SYNDIG1L: variants seen among roughly 807,000 people sequenced by gnomAD.
SYNDIG1L encodes synapse differentiation inducing 1 like, also known as synapse differentiation-inducing gene protein 1-like.
In SYNDIG1L, 13 loss-of-function variants were observed where a neutral mutation model predicts 20.1. That is an observed-to-expected ratio of 0.65 (90% CI 0.42 to 1.03). The LOEUF is 1.03. Among genes scored for constraint, SYNDIG1L ranks in the 50% least tolerant of loss-of-function variants. The pLI, the probability that SYNDIG1L is intolerant of heterozygous loss-of-function variation, is 0.00. For synonymous variants in SYNDIG1L, 128 were observed against 129.3 expected, an observed-to-expected ratio of 0.99 and a Z score of 0.07; for missense variants, 294 against 305.1, an observed-to-expected ratio of 0.96 and a Z score of 0.27.
At chr14:74,445,574 A>G in the SYNDIG1L span, among the ~76,000 whole-genome samples, 1 of 151,972 alleles carries the variant, frequency 6.6e-6, no homozygotes, top group African/African-American at 2.4e-5. Flanking sequence ...TCCTGGGTTC[A>G]AGCGATTCTC....
At chr14:74,423,632 T>C (rs957706357) in intron 1 of SYNDIG1L, among the ~76,000 whole-genome samples, 62 of 152,274 alleles carry the variant, frequency 4.1e-4, no homozygotes, top group African/African-American at 1.5e-3. Flanking sequence ...GAGCATCGGC[T>C]GGACCTGCCA....
chr14:74,470,298 G>A, the SYNDIG1L span, among the ~76,000 whole-genome samples: 2 of 152,138 alleles, frequency 1.3e-5, no homozygotes, highest in Non-Finnish European at 2.9e-5. Context: ...ATCCCTGCCT[G>A]ATGGCATCTC....
At chr14:74,442,327 A>G in the SYNDIG1L span, among the ~76,000 whole-genome samples, 1 of 152,216 alleles carries the variant, frequency 6.6e-6, no homozygotes, top group Non-Finnish European at 1.5e-5. Context: ...ATGGTCTTAT[A>G]AGAAACTATT....
the SYNDIG1L span, chr14:74,479,958 C>G: frequency 7.7e-7 from 1 of 1,306,348 alleles, no homozygotes; most frequent in Non-Finnish European, 9.8e-7. Flanking sequence ...ACAAGACAAA[C>G]GAGTTTTTAT....
chr14:74,409,541 G>A lies in SYNDIG1L; in HGVS notation c.204C>T (p.Tyr68=). The stretch of plus-strand genomic sequence containing the variant: ...CTCTCCCCAGGAGGCAGCTGGGCCG[G>A]TACCAGGCCTCCACGGCCAGCTGCA... ...GSLQLAVEAW[Y]RPSCLLGRDK... The change falls in exon 2 of 4, where the codon TAC becomes TAT. Residue 68 remains tyrosine, a synonymous_variant. Coordinates refer to ENST00000331628, the MANE Select transcript of SYNDIG1L (RefSeq NM_001105579.2). The A allele has an allele frequency of 6.4e-7, 1 of 1,564,086 alleles. No homozygotes were observed. Among genetic ancestry groups the A allele is most frequent in the Non-Finnish European group, 8.7e-7 (1 of 1,155,960 alleles).
the SYNDIG1L span, among the ~76,000 whole-genome samples, chr14:74,459,744 G>A: frequency 6.6e-6 from 1 of 152,140 alleles, no homozygotes. Flanking sequence ...CCCCACTACC[G>A]CCACCAGCCA....
the SYNDIG1L span, chr14:74,480,007 C>T: frequency 2.8e-6 from 4 of 1,429,254 alleles, no homozygotes; most frequent in East Asian, 1.1e-4. Context: ...AAAGAGGCCA[C>T]AAGTTAATGT....
chr14:74,471,218 G>C, the SYNDIG1L span, among the ~76,000 whole-genome samples: 5 of 152,124 alleles, frequency 3.3e-5, no homozygotes, highest in African/African-American at 7.2e-5. Context: ...TGCAGAGCTT[G>C]ATCCTCTCGA....
upstream of SYNDIG1L, among the ~76,000 whole-genome samples, chr14:74,427,030 C>T (rs1301888186): frequency 6.6e-6 from 1 of 151,854 alleles, no homozygotes; most frequent in Non-Finnish European, 1.5e-5. Context: ...TGAGTTTTCC[C>T]AGCAAGAGCC....
chr14:74,473,300 A>T, the SYNDIG1L span, among the ~76,000 whole-genome samples: 1 of 152,056 alleles, frequency 6.6e-6, no homozygotes, highest in African/African-American at 2.4e-5. Context: ...CAGGAGAATC[A>T]CTTGAACTCG....
Position 74,409,621 on chromosome 14 carries a change from G to T in SYNDIG1L, c.124C>A (p.Leu42Ile). The T allele has an allele frequency of 1.3e-6, 2 of 1,505,974 alleles. No individual in the cohort carries two copies. Among genetic ancestry groups the T allele is most frequent in the Non-Finnish European group, 1.8e-6 (2 of 1,128,918 alleles). The allele number at this position is 1,505,974 out of a possible 1,614,324, so 93.3% of individuals were successfully genotyped here. A position where few individuals can be genotyped will look rare whatever the true frequency, so the allele number is the denominator to read the frequency against. ...WSCQEKLYSY[L>I]LGGAGPAGAH... ...CCGGCAGGCCCAGCGCCACCTAGGA[G>T]GTAGGAGTAGAGCTTTTCCTGGCAG... Residue 42 changes from leucine (L) to isoleucine (I), a missense_variant, in exon 2 of 4, where the codon CTC becomes ATC. Transcript: ENST00000331628.
upstream of SYNDIG1L, among the ~76,000 whole-genome samples, chr14:74,427,028 C>T (rs569930067): frequency 6.6e-6 from 1 of 152,020 alleles, no homozygotes; most frequent in South Asian, 2.1e-4. Context: ...CCTGAGTTTT[C>T]CCAGCAAGAG....
chr14:74,450,707 C>A, the SYNDIG1L span, among the ~76,000 whole-genome samples: 1 of 152,014 alleles, frequency 6.6e-6, no homozygotes, highest in Non-Finnish European at 1.5e-5. Context: ...GATAAGCCAT[C>A]GTTTGGGAGA....
the SYNDIG1L span, among the ~76,000 whole-genome samples, chr14:74,445,812 A>G: frequency 5.3e-5 from 8 of 152,332 alleles, no homozygotes; most frequent in Non-Finnish European, 1.0e-4. Context: ...TAGTCTCTTT[A>G]TAAAGAGATA....
At chr14:74,455,023 ATCCAATCAACTGGAAGGCCT>A in the SYNDIG1L span, among the ~76,000 whole-genome samples, 1 of 152,164 alleles carries the variant, frequency 6.6e-6, no homozygotes, top group Non-Finnish European at 1.5e-5. Flanking sequence ...GGTGAGCCTC[ATCCAATCAACTGGAAGGCCT>A]TCAAAGCAAA....
At chr14:74,423,088 G>GC (rs1253540253) in intron 1 of SYNDIG1L, among the ~76,000 whole-genome samples, 1 of 152,014 alleles carries the variant, frequency 6.6e-6, no homozygotes, top group Non-Finnish European at 1.5e-5. Flanking sequence ...TGTGCCATAT[G>GC]CCAGGGTTGA....
the SYNDIG1L span, among the ~76,000 whole-genome samples, chr14:74,477,456 G>GTT: frequency 3.3e-5 from 5 of 151,558 alleles, no homozygotes; most frequent in South Asian, 2.1e-4. Flanking sequence ...AGAACAAGCT[G>GTT]TTTTTATCAA....
the SYNDIG1L span, among the ~76,000 whole-genome samples, chr14:74,475,627 G>A: frequency 6.6e-6 from 1 of 151,694 alleles, no homozygotes; most frequent in Admixed American, 6.6e-5. Flanking sequence ...GGGAGGGTCT[G>A]AGACTAACAA....
chr14:74,419,058 G>A (rs1211253653), intron 1 of SYNDIG1L, among the ~76,000 whole-genome samples: 3 of 152,146 alleles, frequency 2.0e-5, no homozygotes, highest in East Asian at 3.9e-4. Flanking sequence ...TCCCCCTTTC[G>A]GCTCATGTCC....
Sources: allele counts gnomAD v4.1 joint callset (sites outside exome capture counted in the v4.1 genomes callset), GRCh38; gene constraint gnomAD v4.1.1; transcripts MANE v1.5; gene names NCBI Gene and HGNC (gene_info 2026-07-23, HGNC 2026-07-21).